The following RBM4B variants were observed in gnomAD, a reference collection of about 807,000 sequenced individuals.
RBM4B encodes the protein RNA binding motif protein 4B.
In RBM4B, 13 loss-of-function variants were observed where a neutral mutation model predicts 28.5. The observed-to-expected ratio is 0.46, with a 90% confidence interval of 0.30 to 0.72. RBM4B has a LOEUF of 0.72. Among genes scored for constraint, RBM4B ranks in the 30% least tolerant of loss-of-function variants. RBM4B has a pLI of 0.09. For synonymous variants in RBM4B, 167 were observed against 179.1 expected, an observed-to-expected ratio of 0.93 and a Z score of 0.54; for missense variants, 387 against 477.6, an observed-to-expected ratio of 0.81 and a Z score of 1.77.
intron 2 of RBM4B, chr11:66,670,897 C>G: frequency 1.4e-6 from 1 of 702,524 alleles, no homozygotes; most frequent in Non-Finnish European, 2.6e-6. Context: ...GAACAAATCC[C>G]CCCTCTGCAA....
chr11:66,676,579 A>G, intron 2 of RBM4B, 89 bp downstream of exon 2: 1 of 1,431,954 alleles, frequency 7.0e-7, no homozygotes, highest in South Asian at 1.3e-5. Flanking sequence ...AATGGAAGAG[A>G]CCACCCAGCA....
chr11:66,677,099 A>C lies in RBM4B; in HGVS notation c.-12-8T>G. On this transcript the variant is annotated splice_polypyrimidine_tract_variant and splice_region_variant and intron_variant, in intron 1 of 3. Coordinates refer to ENST00000310046, the MANE Select transcript of RBM4B (RefSeq NM_031492.4). ...CACCATCCTGACAAGAGCCTGGGAG[A>C]GAAACACAAGACTTCAAAAGTCAGG... is the stretch of plus-strand genomic sequence containing the variant. 6.2e-7 allele frequency: 1 copy of C among 1,607,984 alleles called. No individual in the cohort carries two copies. Among genetic ancestry groups the C allele is most frequent in the Non-Finnish European group, 8.5e-7 (1 of 1,175,452 alleles).
At chr11:66,665,877 A>G (rs1565090674) in intron 3 of RBM4B, 1 of 1,534,038 alleles carries the variant, frequency 6.5e-7, no homozygotes, top group African/African-American at 1.4e-5. Flanking sequence ...CCTGTGACAG[A>G]AGGCTACTGT....
Position 66,676,877 on chromosome 11 carries a change from T to C in RBM4B, c.203A>G (p.Glu68Gly). 6.2e-7 allele frequency: 1 copy of C among 1,614,194 alleles called. No individual in the cohort carries two copies. The highest frequency in any genetic ancestry group is 8.5e-7 in the Non-Finnish European group (1 of 1,180,036). The stretch of plus-strand genomic sequence containing the variant: ...AGCTTTGCTCTTATTCTTGCTGGCT[T>C]CCACGTTGATGTTCACCCCATGAAG... ...YKLHGVNINV[E>G]ASKNKSKAST... Residue 68 changes from glutamate to glycine, a missense_variant, in exon 2 of 4, where the codon GAA becomes GGA. By Grantham distance (98) the Glu-to-Gly change is moderately conservative (BLOSUM62 -2). Transcript: ENST00000310046.
At chr11:66,672,882 G>A (rs1382676389) in intron 2 of RBM4B, among the ~76,000 whole-genome samples, 2 of 152,052 alleles carry the variant, frequency 1.3e-5, no homozygotes, top group Non-Finnish European at 2.9e-5. Context: ...AGGAACCAGG[G>A]CAAAGAAAAA....
At chr11:66,671,138 A>C (rs1450138906) in intron 2 of RBM4B, among the ~76,000 whole-genome samples, 2 of 152,252 alleles carry the variant, frequency 1.3e-5, no homozygotes, top group Non-Finnish European at 2.9e-5. Flanking sequence ...CAGAAACAAA[A>C]GTGCTCAGGC....
chr11:66,670,985 T>C (rs1172564030), intron 2 of RBM4B: 9 of 702,528 alleles, frequency 1.3e-5, no homozygotes, highest in Non-Finnish European at 2.1e-5. Flanking sequence ...TCCACCATCC[T>C]GTTGGAAATA....
chr11:66,668,707 C>T lies in RBM4B; in HGVS notation c.997G>A (p.Ala333Thr), dbSNP rs145046042. ...TCATACAGAGAATTCCGTGTAGCTGCGGAAGCCTGAGATAATTCACTCTCT... is the reference window on the plus strand; with the variant it reads ...TCATACAGAGAATTCCGTGTAGCTGTGGAAGCCTGAGATAATTCACTCTCT... The part of the protein sequence containing the change: ...GPESELSQAS[A>T]ATRNSLYDMA... The change falls in exon 3 of 4, where the codon GCA (alanine) becomes ACA (threonine). Residue 333 changes from alanine to threonine, a missense_variant. Ala to Thr is a moderately conservative substitution (Grantham distance 58). Around this residue, in one of 2 missense-constraint regions of RBM4B, gnomAD observed 226 missense variants for 220.6 expected, o/e 1.02. Transcript: ENST00000310046. 121 of 1,614,144 alleles carry T rather than the reference C, an allele frequency of 7.5e-5. 1 individual carries two copies. In the Admixed American group the frequency reaches 1.2e-3, roughly 16 times the overall value.
chr11:66,665,062 C>CT lies in RBM4B; in HGVS notation c.*525_*526insA, dbSNP rs1391207316. ...TAAAAAAGGGAGGAGTGGAGTAAAA[C>CT]AAGGGTAAATTTCAGCTAATGCTGT... On this transcript the variant is annotated 3_prime_UTR_variant, in exon 4 of 4. Coordinates refer to ENST00000310046, the MANE Select transcript of RBM4B (RefSeq NM_031492.4). The CT allele has an allele frequency of 1.3e-5, 2 of 152,600 alleles. No homozygotes were observed. The highest frequency in any genetic ancestry group is 2.9e-5 in the Non-Finnish European group (2 of 68,388). 9.5% of individuals were successfully genotyped at this position (152,600 alleles called of 1,614,324 possible).
At chr11:66,672,513 G>A (rs1409580320) in intron 2 of RBM4B, among the ~76,000 whole-genome samples, 1 of 150,678 alleles carries the variant, frequency 6.6e-6, no homozygotes, top group African/African-American at 2.4e-5. Context: ...TTTGGGGGGG[G>A]GGGACAGATT....
At chr11:66,673,345 G>A (rs1939530412) in intron 2 of RBM4B, among the ~76,000 whole-genome samples, 1 of 152,112 alleles carries the variant, frequency 6.6e-6, no homozygotes, top group Non-Finnish European at 1.5e-5. Context: ...TCCTGAAAGA[G>A]TAAAGTAAAC....
chr11:66,668,536 TCTAGCCACTTTTATGAAG>T, intron 3 of RBM4B, 61 bp downstream of exon 3: 1 of 1,206,488 alleles, frequency 8.3e-7, no homozygotes, highest in Non-Finnish European at 1.2e-6. Context: ...CACAGGTGGC[TCTAGCCACTTTTATGAAG>T]CATGGGTCTC....
intron 2 of RBM4B, chr11:66,676,456 T>C (rs1441954165): frequency 9.6e-6 from 6 of 623,980 alleles, no homozygotes; most frequent in East Asian, 2.8e-5. Flanking sequence ...TGTGATTCTA[T>C]GCAGTCGGTG....
At chr11:66,670,885 G>A (rs752411417) in intron 2 of RBM4B, 64 of 702,092 alleles carry the variant, frequency 9.1e-5, no homozygotes, top group Non-Finnish European at 2.3e-5. Context: ...AAGGACTGCT[G>A]AGAACAAATC....
chr11:66,670,068 A>G (rs1461427221), intron 2 of RBM4B, among the ~76,000 whole-genome samples: 1 of 152,218 alleles, frequency 6.6e-6, no homozygotes, highest in Admixed American at 6.5e-5. Context: ...CTTAAAAACC[A>G]CATCAATAGT....
intron 3 of RBM4B, chr11:66,668,343 A>G: frequency 2.7e-6 from 1 of 365,534 alleles, no homozygotes; most frequent in Non-Finnish European, 5.0e-6. Context: ...TAACCCAAAT[A>G]TGCTTACAAC....
intron 3 of RBM4B, chr11:66,667,239 G>A (rs1039622942): frequency 2.0e-5 from 3 of 152,134 alleles, no homozygotes; most frequent in Non-Finnish European, 4.4e-5. Flanking sequence ...CAGATGAAAA[G>A]ATTTATCTAT....
At chr11:66,667,459 G>A (rs1262385084) in intron 3 of RBM4B, 1 of 152,152 alleles carries the variant, frequency 6.6e-6, no homozygotes, top group Non-Finnish European at 1.5e-5. Context: ...GGAAGAAACA[G>A]GAAGCATCCA....
Position 66,668,903 on chromosome 11 carries a change from A to G in RBM4B, c.801T>C (p.Ser267=), listed in dbSNP as rs777996819. 10 of 1,614,070 alleles carry G rather than the reference A, an allele frequency of 6.2e-6. No homozygotes were observed. In the African/African-American group the frequency reaches 8.0e-5, roughly 13 times the overall value. ...TTVTSHLNST[S]VDPYDRHLLP... Reference sequence around the variant, plus strand: ...ATAGGTGTCTGTCATAGGGATCAACAGAAGTAGAGTTGAGGTGGCTGGTCA... The same window carrying G: ...ATAGGTGTCTGTCATAGGGATCAACGGAAGTAGAGTTGAGGTGGCTGGTCA... Residue 267 remains serine (S), a synonymous_variant, in exon 3 of 4, where the codon TCT becomes TCC. Transcript: ENST00000310046.
Sources: gnomAD v4.1 joint callset for allele counts (sites outside exome capture counted in the v4.1 genomes callset) on GRCh38, gnomAD v4.1.1 for gene constraint, gnomAD v4.1.1 regional missense constraint, MANE v1.5 for transcripts, NCBI Gene and HGNC (gene_info 2026-07-23, HGNC 2026-07-21) for gene names.